Variants in ADAMTSL3 observed in about 807,000 individuals in gnomAD.
ADAMTSL3 encodes ADAMTS-like protein 3.
A neutral mutation model predicts 201.7 loss-of-function variants in ADAMTSL3; 128 were observed. The ratio of observed to expected loss-of-function variants is 0.63; its 90% CI spans 0.55 to 0.73. ADAMTSL3 has a LOEUF of 0.73. Ranked by LOEUF, ADAMTSL3 falls within the 30% of genes least tolerant of loss-of-function variation. The pLI is 0.00. For missense variants in ADAMTSL3, 1,990 were observed against 2,119.6 expected (o/e 0.94, Z 1.20); for synonymous variants, 738 against 748.4 (o/e 0.99, Z 0.23).
chr15:83,735,938 A>G (rs1340309783), intron 3 of ADAMTSL3, among the ~76,000 whole-genome samples: 1 of 152,216 alleles, frequency 6.6e-6, no homozygotes, highest in African/African-American at 2.4e-5. Context: ...ATAAGCCTGC[A>G]GTGAAAACAA....
chr15:83,738,947 GA>G (rs768448524), intron 3 of ADAMTSL3, among the ~76,000 whole-genome samples: 5 of 112,746 alleles, frequency 4.4e-5, no homozygotes, highest in Non-Finnish European at 8.9e-5. Flanking sequence ...CAGTCCACAA[GA>G]AAAAAAATAA....
At chr15:83,897,494 T>C (rs971476917) in intron 13 of ADAMTSL3, among the ~76,000 whole-genome samples, 1 of 152,214 alleles carries the variant, frequency 6.6e-6, no homozygotes, top group Non-Finnish European at 1.5e-5. Context: ...AAGGTTTCAT[T>C]CGTCTTCAAA....
At chr15:83,724,796 A>T (rs1029492751) in intron 3 of ADAMTSL3, among the ~76,000 whole-genome samples, 1 of 152,160 alleles carries the variant, frequency 6.6e-6, no homozygotes, top group African/African-American at 2.4e-5. Flanking sequence ...AACTGAGAAC[A>T]TGTGAAGTTT....
chr15:83,870,945 G>A lies in ADAMTSL3; in HGVS notation c.946G>A (p.Asp316Asn), dbSNP rs774793510. The A allele has an allele frequency of 6.2e-7, 1 of 1,612,948 alleles. No individual in the cohort carries two copies. Among genetic ancestry groups the A allele is most frequent in the South Asian group, 1.1e-5 (1 of 90,782 alleles). The change falls in exon 9 of 30, where the codon GAT (aspartate) becomes AAT (asparagine). Residue 316 changes from aspartate to asparagine, a missense_variant. Transcript: ENST00000286744. ...TFKIPGPLMA[D>N]FIFKTRYTAA... ...TAAGATTCCAGGACCTCTGATGGCT[G>A]ATTTCATCTTCAAGGTAGGATGATC...
intron 3 of ADAMTSL3, among the ~76,000 whole-genome samples, chr15:83,763,711 T>C (rs1016736554): frequency 1.6e-4 from 25 of 152,194 alleles, no homozygotes; most frequent in Non-Finnish European, 2.4e-4. Context: ...TTCACCCTGT[T>C]AGCCAGGATG....
chr15:83,884,167 A>T (rs1228470374), intron 9 of ADAMTSL3, among the ~76,000 whole-genome samples: 1 of 152,046 alleles, frequency 6.6e-6, no homozygotes, highest in Admixed American at 6.6e-5. Flanking sequence ...TGCTGGGATT[A>T]TAGGCGTGAG....
intron 26 of ADAMTSL3, among the ~76,000 whole-genome samples, chr15:84,024,893 C>T (rs1343498588): frequency 6.6e-6 from 1 of 152,154 alleles, no homozygotes; most frequent in Non-Finnish European, 1.5e-5. Context: ...ATATTTTCTT[C>T]ATTTTAGTTT....
At chr15:83,926,225 T>C (rs914628214) in intron 17 of ADAMTSL3, among the ~76,000 whole-genome samples, 1 of 152,078 alleles carries the variant, frequency 6.6e-6, no homozygotes, top group Non-Finnish European at 1.5e-5. Context: ...GGGAACAGTA[T>C]GTGCAAAGGC....
chr15:84,014,347 A>G (rs748482218), intron 23 of ADAMTSL3, among the ~76,000 whole-genome samples, 195 bp from the exon 24 acceptor site: 1 of 152,220 alleles, frequency 6.6e-6, no homozygotes, highest in Non-Finnish European at 1.5e-5. Flanking sequence ...CCTGTAGACC[A>G]AAGCCCTTTG....
chr15:83,691,309 G>A (rs373635064), intron 2 of ADAMTSL3, among the ~76,000 whole-genome samples: 4 of 152,094 alleles, frequency 2.6e-5, no homozygotes, highest in Non-Finnish European at 5.9e-5. Flanking sequence ...CTTTCCTTCC[G>A]CTGTGGAGAA....
At chr15:84,013,610 C>G (rs1040100080) in intron 23 of ADAMTSL3, among the ~76,000 whole-genome samples, 14 of 151,964 alleles carry the variant, frequency 9.2e-5, no homozygotes, top group African/African-American at 3.4e-4. Flanking sequence ...CCTGTCTTTA[C>G]AAAAATTACA....
Position 83,819,661 on chromosome 15 carries a change from CA to C in ADAMTSL3, c.364-132del, listed in dbSNP as rs11301352. ...TCATAGCATACATTCAACGTTGAAT[CA>C]AAAAAAAAAAAAAAAAAGAGGGAAT... On this transcript the variant is annotated intron_variant, in intron 5 of 29. Coordinates refer to ENST00000286744, the MANE Select transcript of ADAMTSL3 (RefSeq NM_207517.3). The C allele has an allele frequency of 0.48, 248,999 of 521,626 alleles. 30,212 individuals carry two copies. Among genetic ancestry groups the C allele is most frequent in the African/African-American group, 0.61 (26,413 of 43,420 alleles). The allele number at this position is 521,626 out of a possible 1,614,324, so 32.3% of individuals were successfully genotyped here.
intron 16 of ADAMTSL3, among the ~76,000 whole-genome samples, chr15:83,915,207 T>C (rs2030839): frequency 0.63 from 95,513 of 151,944 alleles, 31,083 homozygotes; most frequent in African/African-American, 0.79. Context: ...AATCTCAAGC[T>C]TTTAGGTGCT....
chr15:84,017,452 G>A (rs1356276662), intron 25 of ADAMTSL3, among the ~76,000 whole-genome samples: 2 of 152,098 alleles, frequency 1.3e-5, no homozygotes, highest in Non-Finnish European at 2.9e-5. Context: ...TGTTGTACTC[G>A]TTATATAGGA....
intron 21 of ADAMTSL3, among the ~76,000 whole-genome samples, chr15:83,988,374 C>G (rs2067519797): frequency 6.6e-6 from 1 of 152,222 alleles, no homozygotes; most frequent in African/African-American, 2.4e-5. Flanking sequence ...GCTAGGTTGT[C>G]TTTTTTTAAA....
chr15:83,763,864 T>C (rs1029576567), intron 3 of ADAMTSL3, among the ~76,000 whole-genome samples: 1 of 152,202 alleles, frequency 6.6e-6, no homozygotes, highest in Non-Finnish European at 1.5e-5. Context: ...GTTAAATAAC[T>C]CAGACCTGCA....
intron 3 of ADAMTSL3, among the ~76,000 whole-genome samples, chr15:83,752,300 A>G (rs2062648815): frequency 6.6e-6 from 1 of 152,168 alleles, no homozygotes; most frequent in South Asian, 2.1e-4. Context: ...CTTTGCTGTA[A>G]TAGACCAAAA....
At chr15:83,770,924 G>A (rs1002467065) in intron 3 of ADAMTSL3, among the ~76,000 whole-genome samples, 1 of 152,030 alleles carries the variant, frequency 6.6e-6, no homozygotes, top group South Asian at 2.1e-4. Context: ...AAAATTAGCC[G>A]GGTGTGGTGG....
At chr15:83,955,976 A>C (rs990686321) in intron 19 of ADAMTSL3, among the ~76,000 whole-genome samples, 1 of 152,044 alleles carries the variant, frequency 6.6e-6, no homozygotes, top group African/African-American at 2.4e-5. Flanking sequence ...CTAACCCCAG[A>C]ACACCATCAG....
Sources: allele counts gnomAD v4.1 joint callset (sites outside exome capture counted in the v4.1 genomes callset), GRCh38; gene constraint gnomAD v4.1.1; transcripts MANE v1.5; gene names NCBI Gene and HGNC (gene_info 2026-07-23, HGNC 2026-07-21).